WASF3: variants seen among roughly 807,000 people sequenced by gnomAD.
The protein encoded by WASF3 is WASP family member 3, also known as actin-binding protein WASF3.
WASF3 carries 11 observed loss-of-function variants against 46.6 expected under a neutral mutation model. The ratio of observed to expected loss-of-function variants is 0.24; its 90% confidence interval spans 0.15 to 0.39. The LOEUF (loss-of-function observed/expected upper bound fraction) is 0.39. WASF3 is among the 10% of genes least tolerant of loss of function. The pLI is 1.00. For synonymous variants in WASF3, 242 were observed against 259.7 expected (o/e 0.93, Z 0.65); for missense variants, 576 against 669.8 (o/e 0.86, Z 1.55).
chr13:26,566,422 G>A (rs533071461), intron 1 of WASF3, among the ~76,000 whole-genome samples: 1 of 152,294 alleles, frequency 6.6e-6, no homozygotes, highest in African/African-American at 2.4e-5. Flanking sequence ...GACCAGAAAT[G>A]AATACATCAA....
intron 1 of WASF3, among the ~76,000 whole-genome samples, chr13:26,598,884 T>A (rs1304806465): frequency 6.6e-6 from 1 of 152,228 alleles, no homozygotes; most frequent in Non-Finnish European, 1.5e-5. Flanking sequence ...TATTATTTAT[T>A]TTTTGAGACG....
chr13:26,685,581 T>A, intron 9 of WASF3, 107 bp from the exon 10 acceptor site: 1 of 1,350,498 alleles, frequency 7.4e-7, no homozygotes, highest in Non-Finnish European at 1.0e-6. Context: ...AAACTTTCTG[T>A]CCTTAGTGTC....
At chr13:26,676,447 C>T (rs1438612709) in intron 6 of WASF3, 102 bp from the exon 7 acceptor site, 1 of 1,280,372 alleles carries the variant, frequency 7.8e-7, no homozygotes, top group Non-Finnish European at 1.1e-6. Context: ...TGTGTCTTGT[C>T]TGTTCATCAG....
In WASF3 at chr13:26,682,834, C is replaced by T. The variant is rs1358667246; in HGVS notation, c.1211C>T (p.Pro404Leu). Residue 404 changes from proline (P) to leucine (L), a missense_variant, in exon 9 of 10, where the codon CCG becomes CTG. By Grantham distance (98) the Pro-to-Leu change is moderately conservative. Around this residue, in one of 3 missense-constraint regions of WASF3, gnomAD observed 295 missense variants for 291.5 expected, o/e 1.01. Coordinates refer to ENST00000335327, the MANE Select transcript of WASF3 (RefSeq NM_006646.6). The surrounding 1 kb of genome is among the most constrained non-coding windows in gnomAD (Gnocchi z 4.4). Reference sequence around the variant, plus strand: ...CCACCCCCGGGCCCACCACCTCCCCCGCCAGGCCCTCCTGGTCCCGGGTCT... The same window carrying T: ...CCACCCCCGGGCCCACCACCTCCCCTGCCAGGCCCTCCTGGTCCCGGGTCT... ...APPPPGPPPP[P>L]PGPPGPGSSL... 4.0e-5 allele frequency: 64 copies of T among 1,610,874 alleles called. No individual in the cohort carries two copies. Among genetic ancestry groups the T allele is most frequent in the Non-Finnish European group, 5.0e-5 (59 of 1,179,856 alleles).
Position 26,584,363 on chromosome 13 carries a change from G to C in WASF3, c.-109+26544G>C, listed in dbSNP as rs546910675. On this transcript the variant is annotated intron_variant, in intron 1 of 9. Transcript: ENST00000335327. ...GAAATACTAAGACTTCTTCTCTAAG[G>C]TGCTTATTTGTAAAGTAAAAAGGTG... Among the ~76,000 whole-genome samples the C allele has an allele frequency of 1.1e-3, 166 of 152,184 alleles. 1 individual carries two copies. The highest frequency in any genetic ancestry group is 3.7e-3 in the South Asian group (18 of 4,812).
At chr13:26,624,658 C>CAAAAT (rs1881411302) in intron 2 of WASF3, among the ~76,000 whole-genome samples, 2 of 151,844 alleles carry the variant, frequency 1.3e-5, no homozygotes, top group African/African-American at 4.8e-5. Flanking sequence ...TTTAAGAACC[C>CAAAAT]TCCAAGTTCT....
chr13:26,584,673 A>G (rs1880078575), intron 1 of WASF3, among the ~76,000 whole-genome samples: 1 of 152,202 alleles, frequency 6.6e-6, no homozygotes. Flanking sequence ...GGAATTTGTA[A>G]AGCATTCCTC....
chr13:26,678,935 G>A (rs986934502), intron 7 of WASF3, among the ~76,000 whole-genome samples: 1 of 151,874 alleles, frequency 6.6e-6, no homozygotes, highest in Non-Finnish European at 1.5e-5. Context: ...GTGTGGTGTC[G>A]CCTCTGGCCC....
At chr13:26,620,891 T>C (rs1302639990) in intron 2 of WASF3, among the ~76,000 whole-genome samples, 1 of 152,228 alleles carries the variant, frequency 6.6e-6, no homozygotes, top group Non-Finnish European at 1.5e-5. Context: ...ACAAGGTTTT[T>C]CATTACATTA....
rs1879834119 is a variant in WASF3, at chr13:26,577,409, G to T, written c.-109+19590G>T. The T allele has an allele frequency of 6.4e-6, 5 of 777,922 alleles. No homozygotes were observed. The South Asian group carries it at 6.7e-5, about 10-fold the overall frequency. 48.2% of individuals were successfully genotyped at this position (777,922 alleles called of 1,614,324 possible). A position where few individuals can be genotyped will look rare whatever the true frequency, so the allele number is the denominator to read the frequency against. On this transcript the variant is annotated intron_variant, in intron 1 of 9. Coordinates refer to ENST00000335327, the MANE Select transcript of WASF3 (RefSeq NM_006646.6). ...TATGATGGAAATCAAGACCCGGGAG[G>T]TGCAGAAAAATGACTTGAAAGAAGT...
chr13:26,619,427 C>G (rs781413574), intron 2 of WASF3: 2 of 152,178 alleles, frequency 1.3e-5, no homozygotes, highest in African/African-American at 4.8e-5. Flanking sequence ...ACACAGCTTC[C>G]TGGCAGACAT....
At chr13:26,670,438 T>C (rs566998429) in intron 5 of WASF3, among the ~76,000 whole-genome samples, 1 of 152,264 alleles carries the variant, frequency 6.6e-6, no homozygotes, top group East Asian at 1.9e-4. Context: ...ATGGCACATA[T>C]ACCTGTGTAA....
chr13:26,544,614 G>A, the WASF3 span, among the ~76,000 whole-genome samples: 2 of 152,258 alleles, frequency 1.3e-5, no homozygotes, highest in African/African-American at 2.4e-5. Context: ...CTAATGTGAT[G>A]TCACGATACA....
chr13:26,610,571 G>A (rs1880941973), intron 1 of WASF3, among the ~76,000 whole-genome samples: 1 of 152,172 alleles, frequency 6.6e-6, no homozygotes, highest in Non-Finnish European at 1.5e-5. Context: ...GAAGGCAAGA[G>A]ACCTTTGGAT....
At chr13:26,548,390 A>T in the WASF3 span, among the ~76,000 whole-genome samples, 1 of 152,144 alleles carries the variant, frequency 6.6e-6, no homozygotes, top group Non-Finnish European at 1.5e-5. Flanking sequence ...CATGTCCCAC[A>T]CTGCTCTTTT....
At chr13:26,633,886 T>G (rs1881733870) in intron 2 of WASF3, among the ~76,000 whole-genome samples, 3 of 152,236 alleles carry the variant, frequency 2.0e-5, no homozygotes, top group South Asian at 2.1e-4. Context: ...CTTTTACATT[T>G]GCTGAGGAGT....
Position 26,559,788 on chromosome 13 carries a change from T to TTTTCTTTCTTTC in WASF3, c.-109+1981_-109+1992dup, listed in dbSNP as rs1555246392. On this transcript the variant is annotated intron_variant, in intron 1 of 9. Coordinates refer to ENST00000335327, the MANE Select transcript of WASF3 (RefSeq NM_006646.6). ...AGACCTTGAATCTCTTTTTCTTTTC[T>TTTTCTTTCTTTC]TTTCTTTCTTTCTTTCTTTCTTTTT... 9.1e-3 allele frequency among the ~76,000 whole-genome samples: 731 copies of TTTTCTTTCTTTC among 80,416 alleles called. 10 individuals carry two copies. The highest frequency in any genetic ancestry group is 0.024 in the Middle Eastern group (3 of 124). The allele number at this position is 80,416 out of a possible 152,430, so 52.8% of individuals were successfully genotyped here. A position where few individuals can be genotyped will look rare whatever the true frequency, so the allele number is the denominator to read the frequency against.
intron 1 of WASF3, among the ~76,000 whole-genome samples, chr13:26,576,629 C>CT (rs1311355311): frequency 3.3e-5 from 5 of 152,130 alleles, no homozygotes; most frequent in Non-Finnish European, 7.4e-5. Context: ...CAAAAAAGGT[C>CT]TAAGTCAGTG....
intron 1 of WASF3, among the ~76,000 whole-genome samples, chr13:26,559,963 G>T (rs1186483616): frequency 6.6e-6 from 1 of 150,926 alleles, no homozygotes; most frequent in African/African-American, 2.4e-5. Flanking sequence ...GAGTACAGGC[G>T]CCCGCCACCA....
Sources: allele counts gnomAD v4.1 joint callset (sites outside exome capture counted in the v4.1 genomes callset), GRCh38; gene constraint gnomAD v4.1.1; regional missense constraint gnomAD v4.1.1; non-coding constraint Gnocchi (gnomAD v3.1); transcripts MANE v1.5; gene names NCBI Gene and HGNC (gene_info 2026-07-23, HGNC 2026-07-21).